USP4: variants seen among roughly 807,000 people sequenced by gnomAD.
USP4 encodes the protein ubiquitin carboxyl-terminal hydrolase 4.
A neutral mutation model predicts 118.2 loss-of-function variants in USP4; 72 were observed. The observed-to-expected ratio is 0.61, with a 90% CI of 0.50 to 0.74. The LOEUF is 0.74. Ranked by LOEUF, USP4 falls within the 30% of genes least tolerant of loss-of-function variation. The pLI is 0.00. For missense variants in USP4, 1,037 were observed against 1,185.7 expected, an observed-to-expected ratio of 0.87 and a Z score of 1.84; for synonymous variants, 415 against 440.4, an observed-to-expected ratio of 0.94 and a Z score of 0.72.
rs754133896 is a variant in USP4, at chr3:49,302,523, G to C, written c.1148C>G (p.Ala383Gly). ...RMFKTQVGRF[A>G]PQFSGYQQQD... is the part of the protein sequence containing the mutation. ...TTGCTGGTAGCCAGAAAATTGAGGA[G>C]CAAAACGTCCTACTTGAGTCTACAA... The change falls in exon 10 of 22, where the codon GCT becomes GGT. Residue 383 changes from alanine (A) to glycine (G), a missense_variant. Ala to Gly is a moderately conservative substitution (Grantham distance 60). Coordinates refer to ENST00000265560, the MANE Select transcript of USP4 (RefSeq NM_003363.4). The C allele has an allele frequency of 6.2e-7, 1 of 1,613,912 alleles. No individual in the cohort carries two copies. Among genetic ancestry groups the C allele is most frequent in the South Asian group, 1.1e-5 (1 of 91,036 alleles).
chr3:49,334,669 A>G (rs907516574), intron 2 of USP4, among the ~76,000 whole-genome samples: 10 of 152,108 alleles, frequency 6.6e-5, no homozygotes, highest in Non-Finnish European at 1.5e-4. Context: ...GCTTGAGCCC[A>G]GGAGCTCAAG....
chr3:49,301,372 CTA>C (rs1225692923), intron 10 of USP4, among the ~76,000 whole-genome samples: 1 of 152,096 alleles, frequency 6.6e-6, no homozygotes, highest in Non-Finnish European at 1.5e-5. Context: ...GAAAGCCCCC[CTA>C]TATGTTTCCA....
chr3:49,295,083 A>G (rs2047188825), intron 13 of USP4, among the ~76,000 whole-genome samples: 1 of 152,052 alleles, frequency 6.6e-6, no homozygotes, highest in African/African-American at 2.4e-5. Flanking sequence ...AGGTCAGGAG[A>G]TTGAGACCAT....
chr3:49,325,051 C>G lies in USP4; in HGVS notation c.488-12G>C, dbSNP rs1157823664. On this transcript the variant is annotated splice_polypyrimidine_tract_variant and intron_variant, in intron 4 of 21. Transcript: ENST00000265560. Reference sequence around the variant, plus strand: ...TTTCTCGATGGTTGCTAGGAACAGGCAGAAATATCACTTGGGGCTTTGTCC... The same window carrying G: ...TTTCTCGATGGTTGCTAGGAACAGGGAGAAATATCACTTGGGGCTTTGTCC... 1 of 1,610,440 alleles carries G rather than the reference C, an allele frequency of 6.2e-7. No individual in the cohort carries two copies. The highest frequency in any genetic ancestry group is 1.7e-5 in the Admixed American group (1 of 59,168).
At chr3:49,283,163 G>A (rs993966749) in intron 19 of USP4, among the ~76,000 whole-genome samples, 4 of 150,830 alleles carry the variant, frequency 2.7e-5, no homozygotes, top group East Asian at 1.9e-4. Context: ...CCACAGGTGT[G>A]CGCCACCACA....
At chr3:49,303,966 T>A (rs2047287183) in intron 9 of USP4, among the ~76,000 whole-genome samples, 1 of 152,126 alleles carries the variant, frequency 6.6e-6, no homozygotes, top group Non-Finnish European at 1.5e-5. Context: ...TTGGCCAGGC[T>A]GGTCTTGAAC....
intron 19 of USP4, 23 bp from the exon 20 acceptor site, chr3:49,280,870 G>A: frequency 1.2e-6 from 2 of 1,605,736 alleles, no homozygotes; most frequent in Non-Finnish European, 1.7e-6. Context: ...CACAAAAATA[G>A]TTATTGAATA....
chr3:49,277,161 T>A lies in USP4; in HGVS notation c.*1132A>T. The A allele has an allele frequency of 7.1e-7, 1 of 1,412,844 alleles. No homozygotes were observed. Among genetic ancestry groups the A allele is most frequent in the South Asian group, 1.2e-5 (1 of 82,066 alleles). 87.5% of individuals were successfully genotyped at this position (1,412,844 alleles called of 1,614,324 possible). ...CTACCGGCACCCCCCCTTTGGCGAG[T>A]CGGCAGCCACGTCCTTGTCCTCACC... On this transcript the variant is annotated 3_prime_UTR_variant, in exon 22 of 22. Transcript: ENST00000265560.
chr3:49,300,295 T>C (rs1268334520), intron 11 of USP4, among the ~76,000 whole-genome samples, 172 bp downstream of exon 11: 1 of 149,916 alleles, frequency 6.7e-6, no homozygotes, highest in African/African-American at 2.5e-5. Flanking sequence ...ACCTTCACAA[T>C]AGGCCTTAAA....
rs572472025 is a variant in USP4, at chr3:49,335,132, G to T, written c.229+337C>A. ...ACTGCAAAGGTAACAAAAAATTCTG[G>T]TTCTTAAATTTTAGATACAATTTCA... On this transcript the variant is annotated intron_variant, in intron 2 of 21. Coordinates refer to ENST00000265560, the MANE Select transcript of USP4 (RefSeq NM_003363.4). Among the ~76,000 whole-genome samples, 8 of 152,226 alleles carry T rather than the reference G, an allele frequency of 5.3e-5. No individual in the cohort carries two copies. The East Asian group carries it at 1.5e-3, about 29-fold the overall frequency.
chr3:49,327,823 A>C lies in USP4; in HGVS notation c.230-7T>G, dbSNP rs1233985596. 1.2e-6 allele frequency: 2 copies of C among 1,613,476 alleles called. No homozygotes were observed. Among genetic ancestry groups the C allele is most frequent in the South Asian group, 2.2e-5 (2 of 91,054 alleles). On this transcript the variant is annotated splice_region_variant and splice_polypyrimidine_tract_variant and intron_variant, in intron 2 of 21. Coordinates refer to ENST00000265560, the MANE Select transcript of USP4 (RefSeq NM_003363.4). The stretch of plus-strand genomic sequence containing the variant: ...AAGGTCTGACTCTCAGGATCTAAAA[A>C]AGGAAAAGAGCACATAAGTCACTGC...
In USP4 at chr3:49,298,658, G is replaced by A. The variant is rs748512966; in HGVS notation, c.1513-23C>T. On this transcript the variant is annotated intron_variant, in intron 11 of 21. Coordinates refer to ENST00000265560, the MANE Select transcript of USP4 (RefSeq NM_003363.4). ...GTACTGCAAGACAGAGATGGTCAAG[G>A]TCACAGGGGTGCCCCACAAAGGGTG... 4 of 1,610,906 alleles carry A rather than the reference G, an allele frequency of 2.5e-6. No individual in the cohort carries two copies. The East Asian group carries it at 8.9e-5, about 36-fold the overall frequency.
intron 8 of USP4, among the ~76,000 whole-genome samples, chr3:49,309,846 C>T (rs1575611350): frequency 2.7e-5 from 4 of 149,342 alleles, no homozygotes; most frequent in East Asian, 4.0e-4. Flanking sequence ...AGGCTGGTCT[C>T]GAACTCCTGA....
At chr3:49,317,799 G>T (rs576620664) in intron 6 of USP4, among the ~76,000 whole-genome samples, 2 of 149,838 alleles carry the variant, frequency 1.3e-5, no homozygotes, top group African/African-American at 2.5e-5. Context: ...TGATCCGCCC[G>T]CCTCGGCCTC....
intron 3 of USP4, 132 bp from the exon 4 acceptor site, chr3:49,325,977 A>C (rs2047550364): frequency 1.7e-6 from 2 of 1,181,374 alleles, no homozygotes; most frequent in Non-Finnish European, 2.3e-6. Flanking sequence ...AAGGGATCAA[A>C]AGAACAGATT....
chr3:49,318,427 C>T, intron 6 of USP4: 1 of 985,450 alleles, frequency 1.0e-6, no homozygotes, highest in Non-Finnish European at 1.2e-6. Flanking sequence ...CTTAAAGGGC[C>T]TTATAGACCT....
intron 19 of USP4, among the ~76,000 whole-genome samples, chr3:49,282,401 A>G (rs972699242): frequency 7.2e-5 from 11 of 151,874 alleles, no homozygotes; most frequent in African/African-American, 1.9e-4. Context: ...CAGCCTCCCA[A>G]GTAGCAGGGA....
rs563338919 is a variant in USP4, at chr3:49,288,567, C to T, written c.1973-2242G>A. ...TCAGGTGCCTGTAATCCCAGCTACT[C>T]GGGAGGCTGAGGCAGGAGAATCACT... On this transcript the variant is annotated intron_variant, in intron 15 of 21. Transcript: ENST00000265560. Among the ~76,000 whole-genome samples the T allele has an allele frequency of 9.2e-5, 14 of 152,096 alleles. No homozygotes were observed. In the South Asian group the frequency reaches 1.7e-3, roughly 18 times the overall value.
At chr3:49,287,082 C>G (rs1357368599) in intron 15 of USP4, among the ~76,000 whole-genome samples, 2 of 152,162 alleles carry the variant, frequency 1.3e-5, no homozygotes. Flanking sequence ...GAACTCCTGA[C>G]CTCAGATGAT....
Sources: allele counts gnomAD v4.1 joint callset (sites outside exome capture counted in the v4.1 genomes callset), GRCh38; gene constraint gnomAD v4.1.1; transcripts MANE v1.5; gene names NCBI Gene and HGNC (gene_info 2026-07-23, HGNC 2026-07-21).